Variants in NNT observed in about 807,000 individuals in gnomAD.
The protein encoded by NNT is nicotinamide nucleotide transhydrogenase.
Under a neutral mutation model 104.8 loss-of-function variants are expected in NNT, and 50 were observed. The observed-to-expected ratio is 0.48, with a 90% confidence interval of 0.38 to 0.60. The LOEUF is 0.60. Among genes scored for constraint, NNT ranks in the 20% least tolerant of loss-of-function variants. The pLI is 0.00. For missense variants in NNT, 1,131 were observed against 1,330.7 expected, an observed-to-expected ratio of 0.85 and a Z score of 2.33; for synonymous variants, 461 against 490.4, an observed-to-expected ratio of 0.94 and a Z score of 0.79.
At chr5:43,687,320 A>G (rs558966088) in intron 19 of NNT, among the ~76,000 whole-genome samples, 1 of 152,190 alleles carries the variant, frequency 6.6e-6, no homozygotes, top group Non-Finnish European at 1.5e-5. Flanking sequence ...ATAATAAAAG[A>G]TAATGTTCAT....
At chr5:43,648,173 T>C (rs1739553848) in intron 10 of NNT, 7 of 1,094,788 alleles carry the variant, frequency 6.4e-6, no homozygotes, top group South Asian at 2.5e-5. Flanking sequence ...TTTGGATACA[T>C]GATATGTGGG....
chr5:43,619,039 G>T lies in NNT; in HGVS notation c.607G>T (p.Ala203Ser). ...ATTTATTTATTTTTAAAGTTATAAGGCTGTTGTCCTAGCAGCAAATCATTT... is the reference window on the plus strand; with the variant it reads ...ATTTATTTATTTTTAAAGTTATAAGTCTGTTGTCCTAGCAGCAAATCATTT... Reference protein sequence around the residue: ...SSMANIAGYKAVVLAANHFGR... With the variant: ...SSMANIAGYKSVVLAANHFGR... The change falls in exon 5 of 22, where the codon GCT becomes TCT. Residue 203 changes from alanine to serine, a missense_variant. By Grantham distance (99) the Ala-to-Ser change is moderately conservative. Coordinates refer to ENST00000344920, the MANE Select transcript of NNT (RefSeq NM_182977.3). 1 of 1,531,048 alleles carries T rather than the reference G, an allele frequency of 6.5e-7. No individual in the cohort carries two copies. Among genetic ancestry groups the T allele is most frequent in the Non-Finnish European group, 8.8e-7 (1 of 1,134,090 alleles). The allele number at this position is 1,531,048 out of a possible 1,614,324, so 94.8% of individuals were successfully genotyped here.
intron 7 of NNT, among the ~76,000 whole-genome samples, chr5:43,630,368 A>G (rs1002073986): frequency 2.0e-5 from 3 of 152,252 alleles, no homozygotes; most frequent in African/African-American, 7.2e-5. Context: ...AAGAAAAAAA[A>G]TACAGATCAT....
chr5:43,667,396 T>A (rs1408835467), intron 17 of NNT, among the ~76,000 whole-genome samples: 1 of 152,166 alleles, frequency 6.6e-6, no homozygotes, highest in Non-Finnish European at 1.5e-5. Flanking sequence ...TAGGTATATC[T>A]CCTAATGCTA....
chr5:43,620,408 G>T (rs958831554), intron 5 of NNT, among the ~76,000 whole-genome samples: 1 of 151,902 alleles, frequency 6.6e-6, no homozygotes, highest in South Asian at 2.1e-4. Flanking sequence ...TTTTAGTAGA[G>T]ACGGGGTTTC....
At chr5:43,616,174 AT>A in intron 4 of NNT, 109 bp downstream of exon 4, 1 of 923,336 alleles carries the variant, frequency 1.1e-6, no homozygotes, top group Non-Finnish European at 1.7e-6. Context: ...ATTGTTGGAG[AT>A]TACAGCCTTT....
At chr5:43,611,051 G>T (rs1347927100) in intron 2 of NNT, among the ~76,000 whole-genome samples, 1 of 151,058 alleles carries the variant, frequency 6.6e-6, no homozygotes, top group African/African-American at 2.4e-5. Context: ...TTGCTTTCTT[G>T]CTTCTTTCCT....
chr5:43,630,129 C>A (rs908297766), intron 7 of NNT, among the ~76,000 whole-genome samples: 1 of 152,040 alleles, frequency 6.6e-6, no homozygotes, highest in African/African-American at 2.4e-5. Context: ...GTGTTTGATC[C>A]ATTTTTGAGT....
At chr5:43,611,144 G>C (rs1749482490) in intron 2 of NNT, among the ~76,000 whole-genome samples, 1 of 128,674 alleles carries the variant, frequency 7.8e-6, no homozygotes, top group Non-Finnish European at 1.6e-5. Flanking sequence ...TGTTCAAAGA[G>C]TGATCCAAAC....
chr5:43,657,524 T>G (rs1740122673), intron 16 of NNT, among the ~76,000 whole-genome samples: 2 of 152,204 alleles, frequency 1.3e-5, no homozygotes, highest in Non-Finnish European at 2.9e-5. Context: ...AAAAAAATTA[T>G]CTACAGTAAC....
chr5:43,679,675 T>C (rs1398283492), intron 19 of NNT, among the ~76,000 whole-genome samples: 2 of 152,192 alleles, frequency 1.3e-5, no homozygotes, highest in Non-Finnish European at 2.9e-5. Context: ...TAAACTACTG[T>C]TGTAGGATGA....
chr5:43,682,698 G>A (rs1208764614), intron 19 of NNT, among the ~76,000 whole-genome samples: 1 of 152,148 alleles, frequency 6.6e-6, no homozygotes, highest in Non-Finnish European at 1.5e-5. Context: ...TTTGAGTAAC[G>A]AAATAGACAT....
chr5:43,679,860 A>G lies in NNT; in HGVS notation c.2876+2054A>G, dbSNP rs116350545. On this transcript the variant is annotated intron_variant, in intron 19 of 21. Transcript: ENST00000344920. ...TTCATTGCTTCACATAATTATTAACATAGTTCAAATAATTTTATAAATTTA... is the reference window on the plus strand; with the variant it reads ...TTCATTGCTTCACATAATTATTAACGTAGTTCAAATAATTTTATAAATTTA... Among the ~76,000 whole-genome samples, 1,427 of 152,118 alleles carry G rather than the reference A, an allele frequency of 9.4e-3. 9 individuals are homozygous for G. The highest frequency in any genetic ancestry group is 0.015 in the Non-Finnish European group (1,023 of 67,958).
intron 19 of NNT, among the ~76,000 whole-genome samples, chr5:43,693,131 A>C (rs571554392): frequency 3.5e-4 from 54 of 152,148 alleles, no homozygotes; most frequent in African/African-American, 1.0e-3. Context: ...TCCACCGTAG[A>C]AGACAAGGTT....
At chr5:43,703,549 A>C (rs900812112) in intron 21 of NNT, among the ~76,000 whole-genome samples, 2 of 152,162 alleles carry the variant, frequency 1.3e-5, no homozygotes, top group African/African-American at 4.8e-5. Context: ...ATACATTTGC[A>C]CTGCTTCTGT....
intron 2 of NNT, among the ~76,000 whole-genome samples, chr5:43,611,673 T>C (rs996719506): frequency 6.6e-6 from 1 of 152,220 alleles, no homozygotes; most frequent in African/African-American, 2.4e-5. Context: ...GTTGACTTAA[T>C]TTCTCTAAGG....
At chr5:43,628,430 C>CTT in intron 7 of NNT, 43 bp downstream of exon 7, 2 of 1,394,564 alleles carry the variant, frequency 1.4e-6, no homozygotes, top group Non-Finnish European at 1.9e-6. Context: ...CACTTTTACT[C>CTT]TTTTTTTTTA....
Position 43,644,604 on chromosome 5 carries a change from C to A in NNT, c.1099-7C>A. The A allele has an allele frequency of 6.3e-7, 1 of 1,597,140 alleles. No individual in the cohort carries two copies. Among genetic ancestry groups the A allele is most frequent in the South Asian group, 1.1e-5 (1 of 88,516 alleles). On this transcript the variant is annotated splice_region_variant and splice_polypyrimidine_tract_variant and intron_variant, in intron 8 of 21. Coordinates refer to ENST00000344920, the MANE Select transcript of NNT (RefSeq NM_182977.3). ...AGACCTTTTTGACTATAATTTTGTT[C>A]ATTTAGGGAATTACTCACATAGGCT... is the stretch of plus-strand genomic sequence containing the variant.
At chr5:43,627,978 T>C (rs1472149109) in intron 6 of NNT, among the ~76,000 whole-genome samples, 1 of 152,166 alleles carries the variant, frequency 6.6e-6, no homozygotes, top group African/African-American at 2.4e-5. Context: ...TAAGTAGAAG[T>C]TGGAATTCTC....
Sources: gnomAD v4.1 joint callset for allele counts (sites outside exome capture counted in the v4.1 genomes callset) on GRCh38, gnomAD v4.1.1 for gene constraint, MANE v1.5 for transcripts, NCBI Gene and HGNC (gene_info 2026-07-23, HGNC 2026-07-21) for gene names.